Variants in SGCZ observed in about 807,000 individuals in gnomAD.
SGCZ encodes zeta-sarcoglycan.
Under a neutral mutation model 41.3 loss-of-function variants are expected in SGCZ, and 40 were observed. That is an observed-to-expected ratio of 0.97 (90% confidence interval 0.75 to 1.26). SGCZ has a LOEUF of 1.26. Ranked by LOEUF, SGCZ falls within the 50% of genes most tolerant of loss-of-function variation. SGCZ has a pLI of 0.00. For synonymous variants in SGCZ, 206 were observed against 137.5 expected, an observed-to-expected ratio of 1.50 and a Z score of -3.49; for missense variants, 552 against 369.8, an observed-to-expected ratio of 1.49 and a Z score of -4.04.
intron 4 of SGCZ, among the ~76,000 whole-genome samples, chr8:14,206,017 C>A (rs1260162267): frequency 6.6e-6 from 1 of 151,986 alleles, no homozygotes; most frequent in Non-Finnish European, 1.5e-5. Context: ...AAACTCGGTT[C>A]TCTGCTATGA....
rs183479003 is a variant in SGCZ, at chr8:14,851,526, T to G, written c.40-296600A>C. 1.2e-4 allele frequency among the ~76,000 whole-genome samples: 19 copies of G among 152,248 alleles called. No individual in the cohort carries two copies. The East Asian group carries it at 3.5e-3, about 28-fold the overall frequency. On this transcript the variant is annotated intron_variant, in intron 1 of 7. Coordinates refer to ENST00000382080, the MANE Select transcript of SGCZ (RefSeq NM_139167.4). Reference sequence around the variant, plus strand: ...CCTTTACCAAAAGACTATCAAAGATTTATTCAAGCCTTTGTAAATAATGAG... The same window carrying G: ...CCTTTACCAAAAGACTATCAAAGATGTATTCAAGCCTTTGTAAATAATGAG...
At chr8:14,725,171 C>T (rs772282412) in intron 1 of SGCZ, among the ~76,000 whole-genome samples, 2 of 152,166 alleles carry the variant, frequency 1.3e-5, no homozygotes, top group Admixed American at 6.6e-5. Flanking sequence ...TTGCAAATGA[C>T]AGAATTTCAT....
intron 1 of SGCZ, among the ~76,000 whole-genome samples, chr8:14,877,337 C>A (rs1310721996): frequency 6.6e-6 from 1 of 152,050 alleles, no homozygotes; most frequent in Non-Finnish European, 1.5e-5. Context: ...ATGTCTGACA[C>A]CATTACGAAG....
rs7387135 is a variant in SGCZ at position 15,015,674 on chromosome 8, A to T, written c.39+221911T>A. On this transcript the variant is annotated intron_variant, in intron 1 of 7. Transcript: ENST00000382080. ...CTGCACTCCAGCGTAGGCAACAGAGAGAGACTCCATCTCAAAAAAAAAAAA... is the reference window on the plus strand; with the variant it reads ...CTGCACTCCAGCGTAGGCAACAGAGTGAGACTCCATCTCAAAAAAAAAAAA... Among the ~76,000 whole-genome samples the T allele has an allele frequency of 4.0e-3, 533 of 134,434 alleles. 15 individuals are homozygous for T. Among genetic ancestry groups the T allele is most frequent in the African/African-American group, 0.014 (496 of 35,260 alleles). The allele number at this position is 134,434 out of a possible 152,430, so 88.2% of individuals were successfully genotyped here. A position where few individuals can be genotyped will look rare whatever the true frequency, so the allele number is the denominator to read the frequency against.
chr8:14,486,887 T>C (rs1379804948), intron 2 of SGCZ, among the ~76,000 whole-genome samples: 2 of 152,256 alleles, frequency 1.3e-5, no homozygotes, highest in Admixed American at 6.5e-5. Flanking sequence ...AGTATTAGCA[T>C]ACATCTCTCA....
intron 4 of SGCZ, among the ~76,000 whole-genome samples, chr8:14,213,360 C>A (rs776668808): frequency 8.9e-4 from 136 of 152,210 alleles, no homozygotes; most frequent in Non-Finnish European, 1.4e-3. Flanking sequence ...GCCAATTTTT[C>A]ATCAGAAACC....
intron 3 of SGCZ, among the ~76,000 whole-genome samples, chr8:14,278,525 TACTC>T (rs1160224175): frequency 6.6e-6 from 1 of 152,066 alleles, no homozygotes; most frequent in Non-Finnish European, 1.5e-5. Flanking sequence ...CCTGCCCAAC[TACTC>T]AAAGTTATAG....
At chr8:14,266,900 T>G (rs17118883) in intron 3 of SGCZ, among the ~76,000 whole-genome samples, 1 of 152,076 alleles carries the variant, frequency 6.6e-6, no homozygotes, top group African/African-American at 2.4e-5. Context: ...AGAGGAACTA[T>G]TGCAAGACAA....
At chr8:15,003,242 A>G (rs771153293) in intron 1 of SGCZ, among the ~76,000 whole-genome samples, 1 of 152,216 alleles carries the variant, frequency 6.6e-6, no homozygotes, top group Non-Finnish European at 1.5e-5. Flanking sequence ...ATAGGGAGAA[A>G]CAGTATGCTC....
intron 2 of SGCZ, among the ~76,000 whole-genome samples, chr8:14,539,394 A>G (rs1391769381): frequency 1.3e-5 from 2 of 151,912 alleles, no homozygotes; most frequent in African/African-American, 2.4e-5. Flanking sequence ...CCTCAATAAA[A>G]TTAGGGAACT....
At chr8:14,459,306 T>C (rs1350937197) in intron 2 of SGCZ, among the ~76,000 whole-genome samples, 2 of 152,022 alleles carry the variant, frequency 1.3e-5, no homozygotes, top group African/African-American at 2.4e-5. Flanking sequence ...TTAGGAGATA[T>C]ACCTAATGTT....
intron 2 of SGCZ, among the ~76,000 whole-genome samples, chr8:14,371,398 G>A (rs1003553175): frequency 6.6e-6 from 1 of 151,942 alleles, no homozygotes; most frequent in African/African-American, 2.4e-5. Context: ...TCCGGTATTA[G>A]CAATAACCTT....
intron 1 of SGCZ, among the ~76,000 whole-genome samples, chr8:15,223,704 T>G (rs1333698202): frequency 6.6e-6 from 1 of 152,138 alleles, no homozygotes; most frequent in Non-Finnish European, 1.5e-5. Flanking sequence ...ACATAGACAA[T>G]CCATAATCCT....
intron 1 of SGCZ, among the ~76,000 whole-genome samples, chr8:14,850,746 G>T (rs1460464002): frequency 2.0e-5 from 3 of 152,088 alleles, no homozygotes; most frequent in Admixed American, 1.3e-4. Flanking sequence ...ATTGAATCAT[G>T]GCGGCAGTTT....
intron 5 of SGCZ, among the ~76,000 whole-genome samples, chr8:14,128,366 A>G (rs1001977114): frequency 6.6e-6 from 1 of 152,214 alleles, no homozygotes; most frequent in Non-Finnish European, 1.5e-5. Flanking sequence ...ATCATTTTAC[A>G]CCGTTCGGAA....
At chr8:14,797,537 G>T (rs1473797445) in intron 1 of SGCZ, among the ~76,000 whole-genome samples, 1 of 152,178 alleles carries the variant, frequency 6.6e-6, no homozygotes, top group African/African-American at 2.4e-5. Context: ...TAGCATAAAG[G>T]ATGGGAAAAT....
intron 2 of SGCZ, among the ~76,000 whole-genome samples, chr8:14,513,160 A>G (rs1802514772): frequency 1.3e-5 from 2 of 151,992 alleles, no homozygotes; most frequent in Non-Finnish European, 2.9e-5. Flanking sequence ...CTCTTGCCTC[A>G]GCCTCCCAAG....
chr8:15,010,300 T>A (rs1437413303), intron 1 of SGCZ, among the ~76,000 whole-genome samples: 1 of 152,158 alleles, frequency 6.6e-6, no homozygotes, highest in East Asian at 1.9e-4. Flanking sequence ...AAGCAGAAAA[T>A]AACATTATTA....
intron 1 of SGCZ, among the ~76,000 whole-genome samples, chr8:14,985,562 G>A (rs1801801796): frequency 6.6e-6 from 1 of 152,144 alleles, no homozygotes; most frequent in African/African-American, 2.4e-5. Flanking sequence ...AAAGTAAACA[G>A]AAAGCAGTTC....
Sources: gnomAD v4.1 joint callset for allele counts (sites outside exome capture counted in the v4.1 genomes callset) on GRCh38, gnomAD v4.1.1 for gene constraint, MANE v1.5 for transcripts, NCBI Gene and HGNC (gene_info 2026-07-23, HGNC 2026-07-21) for gene names.